Variants in MYB observed in about 807,000 individuals in gnomAD.
MYB encodes MYB proto-oncogene, transcription factor, also known as transcriptional activator Myb.
In MYB, 28 loss-of-function variants were observed where a neutral mutation model predicts 92.9. That is an observed-to-expected ratio of 0.30 (90% CI 0.22 to 0.41). MYB has a LOEUF of 0.41. Ranked by LOEUF, MYB falls within the 10% of genes least tolerant of loss-of-function variation. The probability of loss-of-function intolerance (pLI) is 1.00; values close to 1 mark genes in which losing one functional copy is unlikely to be tolerated. For synonymous variants in MYB, 295 were observed against 329.1 expected (o/e 0.90, Z 1.12); for missense variants, 679 against 929.3 (o/e 0.73, Z 3.50).
At chr6:135,199,505 T>TC (rs1190812911) in intron 11 of MYB, 9 of 925,322 alleles carry the variant, frequency 9.7e-6, no homozygotes, top group Non-Finnish European at 1.1e-5. Context: ...TCTTATTTTT[T>TC]CTTTTTGAAT....
At chr6:135,216,557 C>G (rs975917824) in intron 15 of MYB, among the ~76,000 whole-genome samples, 1 of 152,228 alleles carries the variant, frequency 6.6e-6, no homozygotes, top group Admixed American at 6.5e-5. Context: ...AGGAAAACAC[C>G]TATACATGTT....
At position 135,218,273 on chromosome 6, in the gene MYB, T is replaced by C; in HGVS notation, c.*293T>C. 1 of 336,954 alleles carries C rather than the reference T, an allele frequency of 3.0e-6. No homozygotes were observed. The highest frequency in any genetic ancestry group is 5.5e-6 in the Non-Finnish European group (1 of 182,102). 20.9% of individuals were successfully genotyped at this position (336,954 alleles called of 1,614,324 possible). ...TTTAAAAAAAACATAAAATGATTTA[T>C]CTGTATTTTAAAGGATCCAACAGAT... On this transcript the variant is annotated 3_prime_UTR_variant, in exon 16 of 16. Coordinates refer to ENST00000341911, the MANE Select transcript of MYB (RefSeq NM_001130173.2).
intron 15 of MYB, among the ~76,000 whole-genome samples, chr6:135,210,240 A>C (rs1307589730): frequency 6.6e-6 from 1 of 152,178 alleles, no homozygotes; most frequent in Non-Finnish European, 1.5e-5. Flanking sequence ...TTAAATTATA[A>C]TTTCCTTTTA....
Position 135,218,015 on chromosome 6 carries a change from A to C in MYB, c.*35A>C. 3 of 1,479,618 alleles carry C rather than the reference A, an allele frequency of 2.0e-6. No homozygotes were observed. Among genetic ancestry groups the C allele is most frequent in the Non-Finnish European group, 2.8e-6 (3 of 1,057,850 alleles). 91.7% of individuals were successfully genotyped at this position (1,479,618 alleles called of 1,614,324 possible). On this transcript the variant is annotated 3_prime_UTR_variant, in exon 16 of 16. Transcript: ENST00000341911. ...AGAAAAGCATTATGGTTTTCAGAAC[A>C]CTTCAAGTTGACTTGGGATATATCA...
chr6:135,182,507 C>G lies in MYB; in HGVS notation c.23+971C>G, dbSNP rs1218288220. ...AGGCCGCTGCCGCGCAACCGGGACG[C>G]GATCCCCGCGGGCTCTGCCCCCAGG... On this transcript the variant is annotated intron_variant, in intron 1 of 15. Transcript: ENST00000341911. The surrounding 1 kb of genome is among the most constrained non-coding windows in gnomAD (Gnocchi z 5.6). Among the ~76,000 whole-genome samples, 1 of 152,190 alleles carries G rather than the reference C, an allele frequency of 6.6e-6. No homozygotes were observed. Among genetic ancestry groups the G allele is most frequent in the Non-Finnish European group, 1.5e-5 (1 of 68,022 alleles).
In MYB at chr6:135,190,442, A is replaced by G. The variant is rs1385586062; in HGVS notation, c.527+95A>G. 4.2e-6 allele frequency: 4 copies of G among 948,816 alleles called. No individual in the cohort carries two copies. Among genetic ancestry groups the G allele is most frequent in the Non-Finnish European group, 6.4e-6 (4 of 621,336 alleles). 58.8% of individuals were successfully genotyped at this position (948,816 alleles called of 1,614,324 possible). A position where few individuals can be genotyped will look rare whatever the true frequency, so the allele number is the denominator to read the frequency against. On this transcript the variant is annotated intron_variant, in intron 5 of 15. Transcript: ENST00000341911. The surrounding 1 kb of genome is among the most constrained non-coding windows in gnomAD (Gnocchi z 4.5). Reference sequence around the variant, plus strand: ...ATGTATGGTGAGTAAATTATATTTCATCAGTCGTAAGTGTTTTATTAGATA... The same window carrying G: ...ATGTATGGTGAGTAAATTATATTTCGTCAGTCGTAAGTGTTTTATTAGATA...
chr6:135,185,818 G>C, intron 1 of MYB, 85 bp from the exon 2 acceptor site: 1 of 1,047,464 alleles, frequency 9.5e-7, no homozygotes, highest in Non-Finnish European at 1.5e-6. Context: ...AAAGATTGTT[G>C]AGGAGTTTTG....
intron 15 of MYB, among the ~76,000 whole-genome samples, chr6:135,214,235 C>G (rs995735355): frequency 1.3e-5 from 2 of 151,628 alleles, no homozygotes; most frequent in African/African-American, 4.9e-5. Flanking sequence ...TGATCACGCC[C>G]CTGCACTCCA....
chr6:135,207,330 G>A (rs974485574), intron 15 of MYB, among the ~76,000 whole-genome samples: 2 of 152,160 alleles, frequency 1.3e-5, no homozygotes, highest in Admixed American at 1.3e-4. Context: ...CTTCTAAAAT[G>A]TAAAATGTTT....
intron 9 of MYB, 138 bp from the exon 10 acceptor site, chr6:135,196,823 C>A (rs1777386170): frequency 1.3e-6 from 2 of 1,583,024 alleles, no homozygotes; most frequent in East Asian, 4.5e-5. Context: ...AGCAACTGCT[C>A]ATCTTGAAGC....
chr6:135,206,571 A>C (rs1583383226), intron 15 of MYB, among the ~76,000 whole-genome samples: 1 of 147,702 alleles, frequency 6.8e-6, no homozygotes, highest in East Asian at 2.1e-4. Context: ...TGGTGCGCAC[A>C]TGTAATCCCA....
chr6:135,189,590 T>C (rs1011933708), intron 3 of MYB, among the ~76,000 whole-genome samples: 1 of 152,212 alleles, frequency 6.6e-6, no homozygotes, highest in African/African-American at 2.4e-5. Flanking sequence ...GCAGAGTGTC[T>C]AATTTTAGAT....
At chr6:135,199,361 G>C (rs1373520264) in intron 11 of MYB, among the ~76,000 whole-genome samples, 7 of 152,102 alleles carry the variant, frequency 4.6e-5, no homozygotes, top group African/African-American at 1.7e-4. Flanking sequence ...TCTTATGAAA[G>C]CCAGATTTTC....
intron 10 of MYB, 27 bp from the exon 11 acceptor site, chr6:135,198,881 G>A: frequency 1.3e-6 from 2 of 1,553,762 alleles, no homozygotes; most frequent in East Asian, 2.3e-5. Flanking sequence ...TCTAATCTAA[G>A]TATTTTTTCT....
chr6:135,183,007 T>G (rs1775322452), intron 1 of MYB, among the ~76,000 whole-genome samples: 1 of 37,526 alleles, frequency 2.7e-5, no homozygotes, highest in South Asian at 1.1e-3. Flanking sequence ...GGGTCATCTG[T>G]TTTTTTTTTT....
Position 135,192,503 on chromosome 6 carries a change from G to A in MYB, c.707G>A (p.Gly236Asp), listed in dbSNP as rs1776745586. The A allele has an allele frequency of 6.2e-7, 1 of 1,614,250 alleles. No individual in the cohort carries two copies. Among genetic ancestry groups the A allele is most frequent in the East Asian group, 2.2e-5 (1 of 44,894 alleles). The change falls in exon 6 of 16, where the codon GGC (glycine) becomes GAC (aspartate). Residue 236 changes from glycine (G) to aspartate (D), a missense_variant. Physicochemically the swap from Gly to Asp is moderately conservative, Grantham distance 94 (BLOSUM62 -1). Coordinates refer to ENST00000341911, the MANE Select transcript of MYB (RefSeq NM_001130173.2). The stretch of plus-strand genomic sequence containing the variant: ...CCTACAGCTCAACTCCCTGCCACTG[G>A]CCAGCCCACTGTTAACAACGACTAT... ...APPTAQLPATGQPTVNNDYSY... is the reference protein window; with the variant it reads ...APPTAQLPATDQPTVNNDYSY...
chr6:135,208,546 G>GTTTT (rs567088347), intron 15 of MYB, among the ~76,000 whole-genome samples: 1 of 134,616 alleles, frequency 7.4e-6, no homozygotes, highest in Non-Finnish European at 1.6e-5. Flanking sequence ...TGCCCAGCTA[G>GTTTT]TTTTTTTTTT....
chr6:135,205,841 T>C (rs923302584), intron 15 of MYB, among the ~76,000 whole-genome samples: 2 of 152,114 alleles, frequency 1.3e-5, no homozygotes, highest in Non-Finnish European at 2.9e-5. Flanking sequence ...AAGCCAAGAC[T>C]GGAGGATAGC....
rs182631998 is a variant in MYB, at chr6:135,182,584, C to G, written c.23+1048C>G. Among the ~76,000 whole-genome samples, 1 of 152,344 alleles carries G rather than the reference C, an allele frequency of 6.6e-6. No individual in the cohort carries two copies. The highest frequency in any genetic ancestry group is 1.9e-4 in the East Asian group (1 of 5,180). On this transcript the variant is annotated intron_variant, in intron 1 of 15. Coordinates refer to ENST00000341911, the MANE Select transcript of MYB (RefSeq NM_001130173.2). The surrounding 1 kb of genome is among the most constrained non-coding windows in gnomAD (Gnocchi z 5.6). ...CGTGGATGCGGCTGAGGTCGCCGCG[C>G]CTTCTCGCACCCTCCTTCAGCCGCC... is the stretch of plus-strand genomic sequence containing the variant.
Sources: gnomAD v4.1 joint callset for allele counts (sites outside exome capture counted in the v4.1 genomes callset) on GRCh38, gnomAD v4.1.1 for gene constraint, Gnocchi (gnomAD v3.1) non-coding constraint, MANE v1.5 for transcripts, NCBI Gene and HGNC (gene_info 2026-07-23, HGNC 2026-07-21) for gene names.